The following NTRK1 variants were observed in gnomAD, a reference collection of about 807,000 sequenced individuals.
NTRK1 encodes the protein neurotrophic receptor tyrosine kinase 1, also known as high affinity nerve growth factor receptor.
Under a neutral mutation model 86.8 loss-of-function variants are expected in NTRK1, and 62 were observed. The observed-to-expected ratio is 0.71, with a 90% CI of 0.58 to 0.88. The LOEUF (loss-of-function observed/expected upper bound fraction) is 0.88. Among genes scored for constraint, NTRK1 ranks in the 40% least tolerant of loss-of-function variants. NTRK1 has a pLI of 0.00. For synonymous variants in NTRK1, 469 were observed against 456.6 expected (o/e 1.03, Z -0.35); for missense variants, 967 against 1,078.4 (o/e 0.90, Z 1.45).
intron 2 of NTRK1, chr1:156,842,244 A>T: frequency 1.9e-6 from 3 of 1,613,732 alleles, no homozygotes; most frequent in East Asian, 2.2e-5. Context: ...ATTTCCCCCA[A>T]TGCTGGCTGT....
chr1:156,825,799 T>A (rs928760570), intron 1 of NTRK1, among the ~76,000 whole-genome samples: 4 of 152,204 alleles, frequency 2.6e-5, no homozygotes, highest in Non-Finnish European at 5.9e-5. Flanking sequence ...GAGAGAGATA[T>A]GCCGTCATGT....
At chr1:156,834,423 G>T (rs887607810) in intron 1 of NTRK1, among the ~76,000 whole-genome samples, 8 of 152,188 alleles carry the variant, frequency 5.3e-5, no homozygotes, top group African/African-American at 1.9e-4. Flanking sequence ...CACAGCCTGG[G>T]GACAGGGAAG....
At chr1:156,878,723 C>G (rs1648068415) in intron 14 of NTRK1, among the ~76,000 whole-genome samples, 1 of 152,162 alleles carries the variant, frequency 6.6e-6, no homozygotes, top group South Asian at 2.1e-4. Context: ...CAAGGACTCC[C>G]TGGTTTCAGG....
rs80086525 is a variant in NTRK1 at position 156,835,660 on chromosome 1, T to G, written c.-63-6421T>G. On this transcript the variant is annotated intron_variant, in intron 1 of 16. Transcript: ENST00000392302. The stretch of plus-strand genomic sequence containing the variant: ...TAACCTGCTCTTTTCACTCCATAGT[T>G]CATCCTGGCCATCTTTCCATGTCAC... Among the ~76,000 whole-genome samples, 1,470 of 152,366 alleles carry G rather than the reference T, an allele frequency of 9.6e-3. 11 individuals carry two copies. Among genetic ancestry groups the G allele is most frequent in the Non-Finnish European group, 0.016 (1,075 of 68,032 alleles).
intron 1 of NTRK1, among the ~76,000 whole-genome samples, chr1:156,818,722 G>T (rs1377514359): frequency 6.6e-6 from 1 of 152,146 alleles, no homozygotes; most frequent in Non-Finnish European, 1.5e-5. Flanking sequence ...CCACTCATTG[G>T]TTGATGGGCA....
chr1:156,840,838 C>T (rs1654748302), intron 1 of NTRK1: 1 of 1,525,830 alleles, frequency 6.6e-7, no homozygotes, highest in Non-Finnish European at 9.0e-7. Context: ...CTTCCTGTCT[C>T]CCCATGGGAG....
chr1:156,846,753 A>T, intron 2 of NTRK1: 1 of 1,613,320 alleles, frequency 6.2e-7, no homozygotes, highest in South Asian at 1.1e-5. Context: ...GCGTTCTGGA[A>T]TGGGCTGAAC....
intron 2 of NTRK1, chr1:156,849,503 C>CG: frequency 2.1e-6 from 1 of 483,668 alleles, no homozygotes; most frequent in South Asian, 2.1e-5. Context: ...GAGGTGGGGG[C>CG]AGGGGGTGGG....
intron 2 of NTRK1, chr1:156,849,586 C>A: frequency 2.9e-6 from 2 of 678,914 alleles, no homozygotes; most frequent in South Asian, 3.5e-5. Context: ...CAGTGGCTGG[C>A]TCACACCAGC....
chr1:156,854,361 G>C lies in NTRK1; in HGVS notation c.51-9993G>C. The C allele has an allele frequency of 1.3e-6, 2 of 1,493,232 alleles. No homozygotes were observed. The highest frequency in any genetic ancestry group is 9.0e-7 in the Non-Finnish European group (1 of 1,112,098). 92.5% of individuals were successfully genotyped at this position (1,493,232 alleles called of 1,614,324 possible). On this transcript the variant is annotated intron_variant, in intron 2 of 16. Coordinates refer to the NTRK1 transcript ENST00000392302. The surrounding 1 kb of genome is among the most constrained non-coding windows in gnomAD (Gnocchi z 4.2). ...CAGCCCAGGCCAAATTCCCCATCCA[G>C]CCCTGGCAGCTTTGGAGGGGAGCCA...
rs551087941 is a variant in NTRK1 at position 156,818,691 on chromosome 1, G to C, written c.-64+2853G>C. ...TGGCTGAGTAGTATTCCATGATGCA[G>C]ATATACCACATTTTCTTTATCCACT... On this transcript the variant is annotated intron_variant, in intron 1 of 16. Transcript: ENST00000392302. Among the ~76,000 whole-genome samples, 322 of 152,260 alleles carry C rather than the reference G, an allele frequency of 2.1e-3. 5 individuals carry two copies. The highest frequency in any genetic ancestry group is 7.6e-3 in the African/African-American group (316 of 41,544).
At chr1:156,843,058 G>A (rs1272415678) in intron 2 of NTRK1, 2 of 1,614,048 alleles carry the variant, frequency 1.2e-6, no homozygotes, top group Non-Finnish European at 1.7e-6. Context: ...GGAACTCAAT[G>A]CATTCCCGTG....
At chr1:156,816,917 T>C (rs1372507166) in intron 1 of NTRK1, 3 of 429,338 alleles carry the variant, frequency 7.0e-6, no homozygotes, top group East Asian at 7.3e-5. Context: ...CAGCTGTAGA[T>C]AGCGGTGGTA....
At chr1:156,845,456 A>G (rs768437998) in intron 2 of NTRK1, 2 of 1,523,338 alleles carry the variant, frequency 1.3e-6, no homozygotes, top group Admixed American at 2.2e-5. Context: ...GTCCGGATGC[A>G]CCCCTGTGCC....
intron 2 of NTRK1, chr1:156,845,605 C>A (rs374292735): frequency 6.3e-6 from 10 of 1,590,946 alleles, no homozygotes; most frequent in Non-Finnish European, 7.7e-6. Flanking sequence ...CCAGGCCGCG[C>A]GCGCTCTTCG....
At chr1:156,880,237 T>C (rs2102928321) in intron 16 of NTRK1, 80 bp downstream of exon 16, 2 of 1,516,806 alleles carry the variant, frequency 1.3e-6, no homozygotes, top group South Asian at 2.3e-5. Context: ...GGAACTCGGT[T>C]CCCCTTCTGC....
chr1:156,852,418 G>C (rs1410836243), intron 2 of NTRK1, among the ~76,000 whole-genome samples: 1 of 152,104 alleles, frequency 6.6e-6, no homozygotes, highest in South Asian at 2.1e-4. Flanking sequence ...CTAGTCGGGG[G>C]TGTCAGAGCT....
intron 2 of NTRK1, chr1:156,852,255 G>T: frequency 6.8e-7 from 1 of 1,468,998 alleles, no homozygotes; most frequent in Non-Finnish European, 9.2e-7. Flanking sequence ...TCCTTCCAAT[G>T]CTGGCCCCAC....
chr1:156,843,321 T>G (rs931012401), intron 2 of NTRK1: 1 of 1,563,268 alleles, frequency 6.4e-7, no homozygotes, highest in African/African-American at 1.4e-5. Context: ...TCTGAAGGGC[T>G]CTTGTCCCAA....
Sources: allele counts gnomAD v4.1 joint callset (sites outside exome capture counted in the v4.1 genomes callset), GRCh38; gene constraint gnomAD v4.1.1; non-coding constraint Gnocchi (gnomAD v3.1); transcripts MANE v1.5; gene names NCBI Gene and HGNC (gene_info 2026-07-23, HGNC 2026-07-21).